TNFRSF21: variants seen among roughly 807,000 people sequenced by gnomAD.
TNFRSF21 encodes the protein tumor necrosis factor receptor superfamily member 21.
In TNFRSF21, 19 loss-of-function variants were observed where a neutral mutation model predicts 45.6. The ratio of observed to expected loss-of-function variants is 0.42; its 90% CI spans 0.29 to 0.61. TNFRSF21 has a LOEUF of 0.61. Among genes scored for constraint, TNFRSF21 ranks in the 20% least tolerant of loss-of-function variants. The probability of loss-of-function intolerance (pLI) is 0.23; values close to 1 mark genes in which losing one functional copy is unlikely to be tolerated. For missense variants in TNFRSF21, 737 were observed against 851.5 expected (o/e 0.87, Z 1.67); for synonymous variants, 314 against 335.5 (o/e 0.94, Z 0.70).
chr6:47,292,313 C>T (rs999284370), intron 1 of TNFRSF21, among the ~76,000 whole-genome samples: 1 of 151,996 alleles, frequency 6.6e-6, no homozygotes, highest in Non-Finnish European at 1.5e-5. Context: ...GTTGGATAAA[C>T]TAGATCGGAG....
chr6:47,261,236 G>T (rs1765069883), intron 3 of TNFRSF21, among the ~76,000 whole-genome samples: 2 of 152,168 alleles, frequency 1.3e-5, no homozygotes, highest in Non-Finnish European at 2.9e-5. Flanking sequence ...TCAGAAATTG[G>T]AATAAAAGCC....
At chr6:47,290,767 C>A (rs370993717) in intron 1 of TNFRSF21, among the ~76,000 whole-genome samples, 1 of 152,190 alleles carries the variant, frequency 6.6e-6, no homozygotes, top group East Asian at 1.9e-4. Context: ...CACAGTCGGG[C>A]CCAGGCTGAA....
intron 3 of TNFRSF21, among the ~76,000 whole-genome samples, chr6:47,263,895 G>C (rs188465080): frequency 6.6e-6 from 1 of 152,182 alleles, no homozygotes. Flanking sequence ...ATATAGTTAA[G>C]AGGTTTTTTA....
chr6:47,260,557 TTC>T (rs138922710), intron 3 of TNFRSF21, among the ~76,000 whole-genome samples: 1 of 152,370 alleles, frequency 6.6e-6, no homozygotes, highest in East Asian at 1.9e-4. Context: ...AATGGGTTCC[TTC>T]TCTTTTAATA....
chr6:47,288,492 G>T (rs915379499), intron 1 of TNFRSF21, among the ~76,000 whole-genome samples: 2 of 151,780 alleles, frequency 1.3e-5, no homozygotes, highest in African/African-American at 2.4e-5. Context: ...AGATCGTTGA[G>T]CTGTACACAT....
At position 47,286,212 on chromosome 6, in the gene TNFRSF21, C is replaced by T. The variant is rs1762646090; in HGVS notation, c.480G>A (p.Gly160=). The change falls in exon 2 of 6, where the codon GGG becomes GGA. Residue 160 remains glycine (G), a synonymous_variant. Coordinates refer to ENST00000296861, the MANE Select transcript of TNFRSF21 (RefSeq NM_014452.5). ...TACACCGCACATCCTCAGTCTCTGTCCCTTTCTTCCGCACACCCCAACCCA... is the reference window on the plus strand; with the variant it reads ...TACACCGCACATCCTCAGTCTCTGTTCCTTTCTTCCGCACACCCCAACCCA... ...CPVGWGVRKK[G]TETEDVRCKQ... 1 of 1,614,218 alleles carries T rather than the reference C, an allele frequency of 6.2e-7. No individual in the cohort carries two copies. The highest frequency in any genetic ancestry group is 8.5e-7 in the Non-Finnish European group (1 of 1,180,046).
At chr6:47,263,658 G>A (rs920341779) in intron 3 of TNFRSF21, among the ~76,000 whole-genome samples, 4 of 152,192 alleles carry the variant, frequency 2.6e-5, no homozygotes, top group Non-Finnish European at 4.4e-5. Flanking sequence ...GCCAAGCAGA[G>A]GAAAACTGAG....
Position 47,231,877 on chromosome 6 carries a change from G to A in TNFRSF21, c.*888C>T, listed in dbSNP as rs1764587589. 1 of 152,588 alleles carries A rather than the reference G, an allele frequency of 6.6e-6. No individual in the cohort carries two copies. The highest frequency in any genetic ancestry group is 1.9e-4 in the East Asian group (1 of 5,202). The allele number at this position is 152,588 out of a possible 1,614,324, so 9.5% of individuals were successfully genotyped here. A position where few individuals can be genotyped will look rare whatever the true frequency, so the allele number is the denominator to read the frequency against. On this transcript the variant is annotated 3_prime_UTR_variant, in exon 6 of 6. Transcript: ENST00000296861. Reference sequence around the variant, plus strand: ...AGCTGGGCAAATTCTCTATGGAAAGGGCGCCACTGGCACTTGATTTTGACT... The same window carrying A: ...AGCTGGGCAAATTCTCTATGGAAAGAGCGCCACTGGCACTTGATTTTGACT...
rs547098010 is a variant in TNFRSF21 at position 47,273,551 on chromosome 6, C to T, written c.1243+10387G>A. ...CTATTGATGACAAACCCACAGCCAA[C>T]ATCATACTGAATGGGCAAAAACTGG... is the stretch of plus-strand genomic sequence containing the variant. On this transcript the variant is annotated intron_variant, in intron 3 of 5. Transcript: ENST00000296861. 3.3e-5 allele frequency among the ~76,000 whole-genome samples: 5 copies of T among 152,262 alleles called. No individual in the cohort carries two copies. In the South Asian group the frequency reaches 1.0e-3, roughly 32 times the overall value.
chr6:47,267,571 G>A (rs539208330), intron 3 of TNFRSF21, among the ~76,000 whole-genome samples: 1 of 152,184 alleles, frequency 6.6e-6, no homozygotes, highest in Non-Finnish European at 1.5e-5. Context: ...CAGATATAAT[G>A]TCCCTCCGCC....
rs756601693 is a variant in TNFRSF21, at chr6:47,234,701, C to G, written c.1707G>C (p.Ala569=). 2 of 1,610,608 alleles carry G rather than the reference C, an allele frequency of 1.2e-6. No individual in the cohort carries two copies. The highest frequency in any genetic ancestry group is 2.2e-5 in the South Asian group (2 of 90,340). The change falls in exon 5 of 6, where the codon GCG becomes GCC. Residue 569 remains alanine (A), a synonymous_variant. Transcript: ENST00000296861. ...RCDSTSSGSS[A]LSRNGSFITK... ...TAATAAAGGAACCGTTCCTGCTCAG[C>G]GCGGAGGAGCCGCTGGATGTAGAGT...
chr6:47,272,891 T>C (rs577978761), intron 3 of TNFRSF21, among the ~76,000 whole-genome samples: 3 of 152,260 alleles, frequency 2.0e-5, no homozygotes, highest in East Asian at 3.9e-4. Flanking sequence ...AACACCTCTA[T>C]GCAAATAAAT....
chr6:47,244,373 T>C (rs955142137), intron 4 of TNFRSF21, among the ~76,000 whole-genome samples: 1 of 151,400 alleles, frequency 6.6e-6, no homozygotes, highest in Non-Finnish European at 1.5e-5. Flanking sequence ...CTGTGAACTG[T>C]CTTGTTCACA....
At chr6:47,308,947 G>T (rs1375441712) in intron 1 of TNFRSF21, among the ~76,000 whole-genome samples, 1 of 152,184 alleles carries the variant, frequency 6.6e-6, no homozygotes. Context: ...CTTCCACTGC[G>T]GTAGCATCCC....
chr6:47,286,943 G>A (rs1463841451), intron 1 of TNFRSF21, among the ~76,000 whole-genome samples: 2 of 152,164 alleles, frequency 1.3e-5, no homozygotes, highest in Non-Finnish European at 2.9e-5. Context: ...TTGTAGCTGA[G>A]ATTTAAAATG....
chr6:47,308,909 G>A (rs574401806), intron 1 of TNFRSF21, among the ~76,000 whole-genome samples: 302 of 152,326 alleles, frequency 2.0e-3, no homozygotes, highest in Non-Finnish European at 3.2e-3. Context: ...GGAGGTCTCC[G>A]GTGTCCGGCG....
chr6:47,307,970 G>T (rs1351433065), intron 1 of TNFRSF21, among the ~76,000 whole-genome samples: 3 of 152,168 alleles, frequency 2.0e-5, no homozygotes, highest in Non-Finnish European at 2.9e-5. Flanking sequence ...CATGGACCTA[G>T]ATGTGTTTCT....
At chr6:47,272,743 G>A (rs1165625157) in intron 3 of TNFRSF21, among the ~76,000 whole-genome samples, 6 of 152,092 alleles carry the variant, frequency 3.9e-5, no homozygotes, top group African/African-American at 1.4e-4. Flanking sequence ...TTTTTGAGAA[G>A]ATCAATAAAA....
chr6:47,277,802 G>A lies in TNFRSF21; in HGVS notation c.1243+6136C>T, dbSNP rs958704831. On this transcript the variant is annotated intron_variant, in intron 3 of 5. Coordinates refer to ENST00000296861, the MANE Select transcript of TNFRSF21 (RefSeq NM_014452.5). ...GGCAAATCCAGAATTTTAGAACCCA[G>A]GTTTATGAATTTCTAGTCTATGATG... 6.6e-5 allele frequency among the ~76,000 whole-genome samples: 10 copies of A among 152,142 alleles called. No individual in the cohort carries two copies. In the East Asian group the frequency reaches 1.9e-3, roughly 29 times the overall value.
Sources: allele counts gnomAD v4.1 joint callset (sites outside exome capture counted in the v4.1 genomes callset), GRCh38; gene constraint gnomAD v4.1.1; transcripts MANE v1.5; gene names NCBI Gene and HGNC (gene_info 2026-07-23, HGNC 2026-07-21).